Variants in GLA observed in about 807,000 individuals in gnomAD.
GLA encodes the protein alpha-galactosidase A.
In GLA, 4 loss-of-function variants were observed where a neutral mutation model predicts 28.2. That is an observed-to-expected ratio of 0.14 (90% CI 0.07 to 0.32). The LOEUF is 0.32. Ranked by LOEUF, GLA falls within the 10% of genes least tolerant of loss-of-function variation. The probability of loss-of-function intolerance (pLI) is 1.00; values close to 1 mark genes in which losing one functional copy is unlikely to be tolerated. For synonymous variants in GLA, 94 were observed against 113.0 expected, an observed-to-expected ratio of 0.83 and a Z score of 1.07; for missense variants, 203 against 323.7, an observed-to-expected ratio of 0.63 and a Z score of 2.86.
At chrX:101,404,301 C>G (rs1244567372) in intron 1 of GLA, among the ~76,000 whole-genome samples, 1 of 111,534 alleles carries the variant, frequency 9.0e-6, no homozygotes, top group Non-Finnish European at 1.9e-5. Flanking sequence ...CAACAGATAT[C>G]AACAATAATC....
intron 2 of GLA, among the ~76,000 whole-genome samples, chrX:101,403,161 T>C (rs1012166224): frequency 9.3e-6 from 1 of 107,895 alleles, no homozygotes; most frequent in African/African-American, 3.4e-5. Flanking sequence ...TAACTGGGCA[T>C]GGTGGCGGGT....
In GLA at chrX:101,398,880, A is replaced by G. The variant is rs1555985148; in HGVS notation, c.706T>C (p.Trp236Arg). ...WRNFADIDDS[W>R]KSIKSILDWT... ...TCCAAGATACTCTTTATACTTTTCC[A>G]GGAATCATCAATGTCAGCAAAATTT... Residue 236 changes from tryptophan to arginine, a missense_variant, in exon 5 of 7, where the codon TGG (tryptophan) becomes CGG (arginine). This residue lies in a region of GLA where 162 missense variants were observed against 246.8 expected (regional missense o/e 0.66). Transcript: ENST00000218516. 8.3e-7 allele frequency: 1 copy of G among 1,207,451 alleles called. No individual in the cohort carries two copies. Among genetic ancestry groups the G allele is most frequent in the African/African-American group, 1.7e-5 (1 of 57,820 alleles).
rs781880952 is a variant in GLA, at chrX:101,406,211, C to CAA, written c.194+1497_194+1498dup. Among the ~76,000 whole-genome samples the CAA allele has an allele frequency of 8.4e-4, 30 of 35,580 alleles. No homozygotes were observed. In the Middle Eastern group the frequency reaches 0.062, roughly 74 times the overall value. 30.9% of individuals were successfully genotyped at this position (35,580 alleles called of 115,157 possible). A position where few individuals can be genotyped will look rare whatever the true frequency, so the allele number is the denominator to read the frequency against. ...TGGGCGACAGAGCGAGACCCCGTCT[C>CAA]AAAAAAAAAAAAAAAAAAAAAGTGT... On this transcript the variant is annotated intron_variant, in intron 1 of 6. Transcript: ENST00000218516.
Position 101,400,766 on chromosome X carries a change from G to T in GLA, c.548-9C>A. On this transcript the variant is annotated splice_polypyrimidine_tract_variant and intron_variant, in intron 3 of 6. Coordinates refer to ENST00000218516, the MANE Select transcript of GLA (RefSeq NM_000169.3). ...GGACATGTGCTTATAACCTGTATGA[G>T]AAAACAATGGGTAAAATAAGGGAAA... 1.0e-6 allele frequency: 1 copy of T among 963,967 alleles called. No homozygotes were observed. Among genetic ancestry groups the T allele is most frequent in the Non-Finnish European group, 1.5e-6 (1 of 669,839 alleles). 79.4% of individuals were successfully genotyped at this position (963,967 alleles called of 1,213,427 possible).
At chrX:101,407,433 A>T (rs1298505615) in intron 1 of GLA, among the ~76,000 whole-genome samples, 1 of 109,750 alleles carries the variant, frequency 9.1e-6, no homozygotes, top group Non-Finnish European at 1.9e-5. Context: ...AGAGAGAGGA[A>T]AGAAGAGAAA....
In GLA at chrX:101,400,556, G is replaced by A. The variant is rs957186531; in HGVS notation, c.639+110C>T. 7 of 519,025 alleles carry A rather than the reference G, an allele frequency of 1.3e-5. No homozygotes were observed. In the East Asian group the frequency reaches 2.6e-4, roughly 19 times the overall value. 42.8% of individuals were successfully genotyped at this position (519,025 alleles called of 1,213,427 possible). ...GAAGTGGTTGGAACCTGGGAGAGAT[G>A]GTAGGATGATAGTAAGTAACGTTGG... On this transcript the variant is annotated intron_variant, in intron 4 of 6. Transcript: ENST00000218516.
Position 101,407,840 on chromosome X carries a change from C to T in GLA, c.64G>A (p.Val22Ile). The part of the protein sequence containing the change: ...CALALRFLAL[V>I]SWDIPGARAL... ...CTAGCCCCAGGGATGTCCCAGGAAA[C>T]GAGGGCCAGGAAGCGAAGCGCAAGC... is the stretch of plus-strand genomic sequence containing the variant. Residue 22 changes from valine to isoleucine, a missense_variant, in exon 1 of 7, where the codon GTT becomes ATT. Around this residue, in one of 3 missense-constraint regions of GLA, gnomAD observed 30 missense variants for 32.2 expected, o/e 0.93. Coordinates refer to ENST00000218516, the MANE Select transcript of GLA (RefSeq NM_000169.3). The T allele has an allele frequency of 8.3e-7, 1 of 1,211,415 alleles. No individual in the cohort carries two copies. Among genetic ancestry groups the T allele is most frequent in the Admixed American group, 2.2e-5 (1 of 46,101 alleles).
chrX:101,400,945 T>C (rs869312328), intron 3 of GLA, 188 bp from the exon 4 acceptor site: 3 of 293,177 alleles, frequency 1.0e-5, no homozygotes, highest in Non-Finnish European at 1.8e-5. Context: ...AAGTGACTCT[T>C]CTGTCTCAGC....
At chrX:101,406,076 G>C (rs1256115586) in intron 1 of GLA, among the ~76,000 whole-genome samples, 2 of 103,436 alleles carry the variant, frequency 1.9e-5, no homozygotes, top group Non-Finnish European at 4.0e-5. Context: ...GCCAGGCGTG[G>C]TGGCAGGCGC....
chrX:101,401,627 A>G lies in GLA; in HGVS notation c.547+5T>C, dbSNP rs782652843. On this transcript the variant is annotated splice_donor_5th_base_variant and intron_variant, in intron 3 of 6. Transcript: ENST00000218516. ...TGTGGCTAAATCTCTGGAATGAAAC[A>G]TTACCATCTGCCAAATTTTCCAAAC... 1 of 1,205,711 alleles carries G rather than the reference A, an allele frequency of 8.3e-7. No individual in the cohort carries two copies. Among genetic ancestry groups the G allele is most frequent in the Admixed American group, 2.2e-5 (1 of 45,978 alleles).
At chrX:101,400,579 T>C (rs782436614) in intron 4 of GLA, 87 bp downstream of exon 4, 3 of 546,616 alleles carry the variant, frequency 5.5e-6, no homozygotes, top group Non-Finnish European at 9.8e-6. Flanking sequence ...TAAGTAACGT[T>C]GGACTTTGAA....
chrX:101,407,333 G>A (rs57788389), intron 1 of GLA, among the ~76,000 whole-genome samples: 5,450 of 111,684 alleles, frequency 0.049, 164 homozygotes, highest in South Asian at 0.12. Context: ...GAATAGAACC[G>A]GGCAGGGCTA....
chrX:101,397,939 A>T lies in GLA; in HGVS notation c.1160T>A (p.Leu387His). The T allele has an allele frequency of 8.3e-7, 1 of 1,211,177 alleles. No individual in the cohort carries two copies. Among genetic ancestry groups the T allele is most frequent in the Non-Finnish European group, 1.1e-6 (1 of 894,766 alleles). Reference protein sequence around the residue: ...ACNPACFITQLLPVKRKLGFY... With the variant: ...ACNPACFITQHLPVKRKLGFY... ...CCCTAGCTTCCTTTTCACAGGGAGG[A>T]GCTGTGTGATGAAGCAGGCAGGATT... The change falls in exon 7 of 7, where the codon CTC (leucine) becomes CAC (histidine). Residue 387 changes from leucine (L) to histidine (H), a missense_variant. By Grantham distance (99) the Leu-to-His change is moderately conservative. Around this residue, in one of 3 missense-constraint regions of GLA, gnomAD observed 162 missense variants for 246.8 expected, o/e 0.66. Coordinates refer to ENST00000218516, the MANE Select transcript of GLA (RefSeq NM_000169.3).
At position 101,400,655 on chromosome X, in the gene GLA, C is replaced by T. The variant is rs1569303769; in HGVS notation, c.639+11G>A. On this transcript the variant is annotated intron_variant, in intron 4 of 6. Coordinates refer to ENST00000218516, the MANE Select transcript of GLA (RefSeq NM_000169.3). ...GTACAGTTCTATTGGATTCTGGGCT[C>T]ACTATCTCACCTTTTGAAAGGGCCA... 1 of 1,011,474 alleles carries T rather than the reference C, an allele frequency of 9.9e-7. No homozygotes were observed. Among genetic ancestry groups the T allele is most frequent in the Non-Finnish European group, 1.4e-6 (1 of 714,003 alleles). The allele number at this position is 1,011,474 out of a possible 1,213,427, so 83.4% of individuals were successfully genotyped here.
At chrX:101,401,914 C>T in intron 2 of GLA, 105 bp from the exon 3 acceptor site, 4 of 772,338 alleles carry the variant, frequency 5.2e-6, no homozygotes, top group Non-Finnish European at 8.0e-6. Flanking sequence ...GGTTACTTCA[C>T]CAGGTATTGG....
rs782717521 is a variant in GLA at position 101,400,674 on chromosome X, A to G, written c.631T>C (p.Phe211Leu). Reference sequence around the variant, plus strand: ...TGGGCTCACTATCTCACCTTTTGAAAGGGCCACATATAAAGAGGCCACTCA... The same window carrying G: ...TGGGCTCACTATCTCACCTTTTGAAGGGGCCACATATAAAGAGGCCACTCA... ...SCEWPLYMWP[F>L]QKPNYTEIRQ... Residue 211 changes from phenylalanine (F) to leucine (L), a missense_variant, in exon 4 of 7, where the codon TTT becomes CTT. Transcript: ENST00000218516. 8.8e-7 allele frequency: 1 copy of G among 1,132,933 alleles called. No homozygotes were observed. Among genetic ancestry groups the G allele is most frequent in the Admixed American group, 2.2e-5 (1 of 45,785 alleles). The allele number at this position is 1,132,933 out of a possible 1,213,427, so 93.4% of individuals were successfully genotyped here. A position where few individuals can be genotyped will look rare whatever the true frequency, so the allele number is the denominator to read the frequency against.
In GLA at chrX:101,403,811, A is replaced by G. The variant is rs869312282; in HGVS notation, c.369T>C (p.Tyr123=). ...FPHGIRQLAN[Y]VHSKGLKLGI... is the part of the protein sequence containing the mutation. The stretch of plus-strand genomic sequence containing the variant: ...ACAAGAACATTATCTATAAACTCAC[A>G]TAATTAGCTAGCTGGCGAATCCCAT... The change falls in exon 2 of 7, where the codon TAT becomes TAC. Residue 123 remains tyrosine, a splice_region_variant and synonymous_variant. Transcript: ENST00000218516. 11 of 1,205,773 alleles carry G rather than the reference A, an allele frequency of 9.1e-6. No individual in the cohort carries two copies. The highest frequency in any genetic ancestry group is 1.2e-5 in the Non-Finnish European group (11 of 890,737).
intron 1 of GLA, among the ~76,000 whole-genome samples, chrX:101,405,036 G>A (rs1382214822): frequency 9.1e-6 from 1 of 109,820 alleles, no homozygotes; most frequent in African/African-American, 3.3e-5. Context: ...CTGGGAGTTT[G>A]AGACCAGCCT....
Position 101,401,633 on chromosome X carries a change from A to G in GLA, c.546T>C (p.Asp182=), listed in dbSNP as rs2147477318. The G allele has an allele frequency of 8.3e-7, 1 of 1,208,053 alleles. No individual in the cohort carries two copies. Among genetic ancestry groups the G allele is most frequent in the Non-Finnish European group, 1.1e-6 (1 of 892,084 alleles). Residue 182 remains aspartate (D), a splice_region_variant and synonymous_variant, in exon 3 of 7, where the codon GAT becomes GAC. Coordinates refer to ENST00000218516, the MANE Select transcript of GLA (RefSeq NM_000169.3). Reference sequence around the variant, plus strand: ...TAAATCTCTGGAATGAAACATTACCATCTGCCAAATTTTCCAAACTGTCAC... The same window carrying G: ...TAAATCTCTGGAATGAAACATTACCGTCTGCCAAATTTTCCAAACTGTCAC... ...CYCDSLENLA[D]GYKHMSLALN...
Sources: gnomAD v4.1 joint callset for allele counts (sites outside exome capture counted in the v4.1 genomes callset) on GRCh38, gnomAD v4.1.1 for gene constraint, gnomAD v4.1.1 regional missense constraint, MANE v1.5 for transcripts, NCBI Gene and HGNC (gene_info 2026-07-23, HGNC 2026-07-21) for gene names.